The following KIRREL3 variants were observed in gnomAD, a reference collection of about 807,000 sequenced individuals.
KIRREL3 encodes kin of IRRE-like protein 3.
Under a neutral mutation model 89.7 loss-of-function variants are expected in KIRREL3, and 36 were observed. That is an observed-to-expected ratio of 0.40 (90% confidence interval 0.31 to 0.53). The LOEUF (loss-of-function observed/expected upper bound fraction) is 0.53, where lower values mean the gene tolerates loss of function less well. KIRREL3 is among the 20% of genes least tolerant of loss of function. The pLI, the probability that KIRREL3 is intolerant of heterozygous loss-of-function variation, is 0.49. For missense variants in KIRREL3, 864 were observed against 1,056.6 expected (o/e 0.82, Z 2.53); for synonymous variants, 445 against 441.4 (o/e 1.01, Z -0.10).
intron 4 of KIRREL3, among the ~76,000 whole-genome samples, chr11:126,502,439 A>T (rs768075828): frequency 6.6e-6 from 1 of 152,194 alleles, no homozygotes; most frequent in African/African-American, 2.4e-5. Context: ...GGGCAGGCAC[A>T]CCTCAGAGGG....
chr11:126,947,942 C>A (rs910810899), intron 1 of KIRREL3, among the ~76,000 whole-genome samples: 3 of 152,174 alleles, frequency 2.0e-5, no homozygotes, highest in African/African-American at 7.2e-5. Context: ...TGAACTGGAA[C>A]TGTGAAGCTA....
rs994386977 is a variant in KIRREL3, at chr11:126,750,606, T to C, written c.56-187694A>G. ...GTAAAGCTTCTACAGAACTGTTTAG[T>C]GGGAAAGAATCAACCTGTGTTGCCA... is the stretch of plus-strand genomic sequence containing the variant. On this transcript the variant is annotated intron_variant, in intron 1 of 16. Transcript: ENST00000525144. This position sits in a 1 kb window ranked among gnomAD's most constrained non-coding sequence, Gnocchi z 4.2. Among the ~76,000 whole-genome samples the C allele has an allele frequency of 6.6e-6, 1 of 152,226 alleles. No homozygotes were observed. The highest frequency in any genetic ancestry group is 1.5e-5 in the Non-Finnish European group (1 of 68,036).
intron 1 of KIRREL3, among the ~76,000 whole-genome samples, chr11:126,737,306 G>A (rs1262233842): frequency 3.3e-5 from 5 of 152,066 alleles, no homozygotes; most frequent in Admixed American, 2.6e-4. Flanking sequence ...GGGCAGAGAG[G>A]GTGCTGGTGG....
rs778183103 is a variant in KIRREL3 at position 126,704,858 on chromosome 11, C to T, written c.56-141946G>A. ...TACTGGGATTCTCAATAGGCCATCA[C>T]CCAAGGGAAGCAGTATTCTCCTCCT... On this transcript the variant is annotated intron_variant, in intron 1 of 16. Coordinates refer to ENST00000525144, the MANE Select transcript of KIRREL3 (RefSeq NM_032531.4). The surrounding 1 kb of genome is among the most constrained non-coding windows in gnomAD (Gnocchi z 4.2). Among the ~76,000 whole-genome samples, 2 of 152,198 alleles carry T rather than the reference C, an allele frequency of 1.3e-5. No homozygotes were observed. Among genetic ancestry groups the T allele is most frequent in the Admixed American group, 6.5e-5 (1 of 15,284 alleles).
In KIRREL3 at chr11:126,780,083, A is replaced by G. The variant is rs1950282112; in HGVS notation, c.56-217171T>C. On this transcript the variant is annotated intron_variant, in intron 1 of 16. Transcript: ENST00000525144. This position sits in a 1 kb window ranked among gnomAD's most constrained non-coding sequence, Gnocchi z 5.3. ...AACTTCAGAGGGAAAAGCAGGAGGC[A>G]CAGTACAGGAAGACACAGAAAGGGA... 6.6e-6 allele frequency among the ~76,000 whole-genome samples: 1 copy of G among 152,190 alleles called. No individual in the cohort carries two copies. The highest frequency in any genetic ancestry group is 2.1e-4 in the South Asian group (1 of 4,822).
chr11:126,771,274 T>C lies in KIRREL3; in HGVS notation c.56-208362A>G, dbSNP rs1000399327. 6.6e-6 allele frequency among the ~76,000 whole-genome samples: 1 copy of C among 151,656 alleles called. No individual in the cohort carries two copies. Among genetic ancestry groups the C allele is most frequent in the Non-Finnish European group, 1.5e-5 (1 of 67,932 alleles). ...CTTACTGTTTTTTTTTTTAAACAGA[T>C]GAGGAAACCGAGGCTTAGAGTGGTT... On this transcript the variant is annotated intron_variant, in intron 1 of 16. Transcript: ENST00000525144. This position sits in a 1 kb window ranked among gnomAD's most constrained non-coding sequence, Gnocchi z 4.4.
chr11:126,510,496 T>C (rs772060689), intron 4 of KIRREL3, among the ~76,000 whole-genome samples: 10 of 143,326 alleles, frequency 7.0e-5, no homozygotes, highest in Non-Finnish European at 9.1e-5. Context: ...GGTCTCACTG[T>C]TGACCAGACA....
chr11:126,668,737 CTT>C lies in KIRREL3; in HGVS notation c.56-105827_56-105826del, dbSNP rs1565634735. On this transcript the variant is annotated intron_variant, in intron 1 of 16. Transcript: ENST00000525144. This position sits in a 1 kb window ranked among gnomAD's most constrained non-coding sequence, Gnocchi z 4.4. ...TCTTTCTTTCTTTCTTTCTTTCTTT[CTT>C]TCTTTCTTTCTTTCTTTTTTCTCTT... Among the ~76,000 whole-genome samples, 3 of 118,320 alleles carry C rather than the reference CTT, an allele frequency of 2.5e-5. No homozygotes were observed. The highest frequency in any genetic ancestry group is 5.6e-5 in the Non-Finnish European group (3 of 53,664). 77.6% of individuals were successfully genotyped at this position (118,320 alleles called of 152,430 possible). A position where few individuals can be genotyped will look rare whatever the true frequency, so the allele number is the denominator to read the frequency against.
rs1393826125 is a variant in KIRREL3, at chr11:126,462,548, C to T, written c.742+609G>A. ...GGTGTAGTGATGGATGCCTGTCATC[C>T]CAGCTACTCAGGCAGGCTAAGACAG... On this transcript the variant is annotated intron_variant, in intron 6 of 16. Coordinates refer to ENST00000525144, the MANE Select transcript of KIRREL3 (RefSeq NM_032531.4). The surrounding 1 kb of genome is among the most constrained non-coding windows in gnomAD (Gnocchi z 4.8). Among the ~76,000 whole-genome samples, 1 of 152,058 alleles carries T rather than the reference C, an allele frequency of 6.6e-6. No homozygotes were observed. The highest frequency in any genetic ancestry group is 1.5e-5 in the Non-Finnish European group (1 of 68,020).
intron 1 of KIRREL3, among the ~76,000 whole-genome samples, chr11:126,845,568 A>G (rs187088176): frequency 6.6e-6 from 1 of 152,260 alleles, no homozygotes; most frequent in East Asian, 1.9e-4. Flanking sequence ...ATGGCCCGGA[A>G]AACTGGTCAG....
intron 7 of KIRREL3, among the ~76,000 whole-genome samples, chr11:126,452,385 C>A (rs1273997752): frequency 1.3e-5 from 2 of 152,252 alleles, no homozygotes; most frequent in East Asian, 1.9e-4. Flanking sequence ...TCCAGCCCCG[C>A]AGTTCCTTTC....
chr11:126,481,009 A>T (rs560359932), intron 4 of KIRREL3, among the ~76,000 whole-genome samples: 75 of 152,168 alleles, frequency 4.9e-4, no homozygotes, highest in Non-Finnish European at 7.2e-4. Flanking sequence ...GTAGCCGAAC[A>T]ATGTTTGGAG....
At chr11:126,524,496 CCTT>C (rs968689850) in intron 3 of KIRREL3, among the ~76,000 whole-genome samples, 2 of 152,188 alleles carry the variant, frequency 1.3e-5, no homozygotes, top group African/African-American at 4.8e-5. Context: ...AGGGGAAAAT[CCTT>C]CTTTTCTCCC....
Position 126,425,682 on chromosome 11 carries a change from G to A in KIRREL3, c.1849C>T (p.Leu617=), listed in dbSNP as rs1284098950. 2.5e-6 allele frequency: 4 copies of A among 1,598,486 alleles called. No homozygotes were observed. Among genetic ancestry groups the A allele is most frequent in the Admixed American group, 1.7e-5 (1 of 58,182 alleles). Reference sequence around the variant, plus strand: ...TTCTCCTCTTCTTTGAGGACCTCCAGCTGTTTCAGGACTGAGTCTTGCTGG... The same window carrying A: ...TTCTCCTCTTCTTTGAGGACCTCCAACTGTTTCAGGACTGAGTCTTGCTGG... ...EFQQDSVLKQ[L]EVLKEEEKEF... Residue 617 remains leucine, a synonymous_variant, in exon 16 of 17, where the codon CTG becomes TTG. Coordinates refer to ENST00000525144, the MANE Select transcript of KIRREL3 (RefSeq NM_032531.4).
rs1947717108 is a variant in KIRREL3, at chr11:126,710,548, G to A, written c.56-147636C>T. On this transcript the variant is annotated intron_variant, in intron 1 of 16. Transcript: ENST00000525144. This position sits in a 1 kb window ranked among gnomAD's most constrained non-coding sequence, Gnocchi z 4.2. ...CGTGTATGCAGATGGGAGCTTGGAGGACTATTTTGCTAAATGATGCACCCT... is the reference window on the plus strand; with the variant it reads ...CGTGTATGCAGATGGGAGCTTGGAGAACTATTTTGCTAAATGATGCACCCT... 6.6e-6 allele frequency among the ~76,000 whole-genome samples: 1 copy of A among 152,076 alleles called. No homozygotes were observed. Among genetic ancestry groups the A allele is most frequent in the African/African-American group, 2.4e-5 (1 of 41,384 alleles).
Position 126,861,418 on chromosome 11 carries a change from A to T in KIRREL3, c.55+139037T>A, listed in dbSNP as rs547584372. ...TCTTAGAAGTGATACGGGGCAGAGA[A>T]AGAGAGATGCAGTACCCTACTTCTC... On this transcript the variant is annotated intron_variant, in intron 1 of 16. Transcript: ENST00000525144. Among the ~76,000 whole-genome samples, 6 of 152,154 alleles carry T rather than the reference A, an allele frequency of 3.9e-5. No individual in the cohort carries two copies. In the South Asian group the frequency reaches 6.2e-4, roughly 16 times the overall value.
Position 126,575,433 on chromosome 11 carries a change from A to G in KIRREL3, c.56-12521T>C, listed in dbSNP as rs543061550. 6.6e-5 allele frequency among the ~76,000 whole-genome samples: 10 copies of G among 152,316 alleles called. No individual in the cohort carries two copies. In the South Asian group the frequency reaches 2.1e-3, roughly 32 times the overall value. On this transcript the variant is annotated intron_variant, in intron 1 of 16. Coordinates refer to ENST00000525144, the MANE Select transcript of KIRREL3 (RefSeq NM_032531.4). The surrounding 1 kb of genome is among the most constrained non-coding windows in gnomAD (Gnocchi z 7.0). ...TGGGCTGCAATAAGGACTGGAGATA[A>G]TGTATGTACAATACTGGGAGGGAAG...
rs1255853332 is a variant in KIRREL3 at position 126,640,087 on chromosome 11, C to A, written c.56-77175G>T. Among the ~76,000 whole-genome samples, 2 of 152,118 alleles carry A rather than the reference C, an allele frequency of 1.3e-5. No homozygotes were observed. The highest frequency in any genetic ancestry group is 3.8e-4 in the East Asian group (2 of 5,196). ...GTGCCCAGAGAAGACAATTAATCTC[C>A]CACCTTCCCAAGCCAGTACTGTTTT... On this transcript the variant is annotated intron_variant, in intron 1 of 16. Transcript: ENST00000525144. The surrounding 1 kb of genome is among the most constrained non-coding windows in gnomAD (Gnocchi z 4.9).
chr11:126,783,263 G>A lies in KIRREL3; in HGVS notation c.55+217192C>T, dbSNP rs1301468721. Among the ~76,000 whole-genome samples the A allele has an allele frequency of 6.6e-6, 1 of 152,054 alleles. No individual in the cohort carries two copies. The highest frequency in any genetic ancestry group is 2.4e-5 in the African/African-American group (1 of 41,386). ...TTGTAGATGTGTCCCTACAATCTCTGCCTCTGTGGTGACATGGCCCTCTTC... is the reference window on the plus strand; with the variant it reads ...TTGTAGATGTGTCCCTACAATCTCTACCTCTGTGGTGACATGGCCCTCTTC... On this transcript the variant is annotated intron_variant, in intron 1 of 16. Transcript: ENST00000525144. This position sits in a 1 kb window ranked among gnomAD's most constrained non-coding sequence, Gnocchi z 4.3.
Sources: allele counts gnomAD v4.1 joint callset (sites outside exome capture counted in the v4.1 genomes callset), GRCh38; gene constraint gnomAD v4.1.1; non-coding constraint Gnocchi (gnomAD v3.1); transcripts MANE v1.5; gene names NCBI Gene and HGNC (gene_info 2026-07-23, HGNC 2026-07-21).